Variants in NELL1 observed in about 807,000 individuals in gnomAD.
NELL1 encodes the protein protein kinase C-binding protein NELL1.
NELL1 carries 76 observed loss-of-function variants against 107.4 expected under a neutral mutation model. That is an observed-to-expected ratio of 0.71 (90% CI 0.59 to 0.86). The LOEUF is 0.86. Ranked by LOEUF, NELL1 falls within the 40% of genes least tolerant of loss-of-function variation. NELL1 has a pLI of 0.00. For synonymous variants in NELL1, 353 were observed against 341.2 expected, an observed-to-expected ratio of 1.03 and a Z score of -0.38; for missense variants, 1,024 against 1,005.5, an observed-to-expected ratio of 1.02 and a Z score of -0.25.
intron 13 of NELL1, among the ~76,000 whole-genome samples, chr11:21,124,087 G>A (rs1855432901): frequency 6.6e-6 from 1 of 152,096 alleles, no homozygotes; most frequent in South Asian, 2.1e-4. Context: ...ATCTCTGAGT[G>A]AATGGTTAAA....
intron 2 of NELL1, among the ~76,000 whole-genome samples, chr11:20,735,157 G>C (rs1308697888): frequency 2.0e-5 from 3 of 152,176 alleles, no homozygotes; most frequent in African/African-American, 7.2e-5. Context: ...TGGATGCTAA[G>C]AGTTTAAGGT....
intron 9 of NELL1, among the ~76,000 whole-genome samples, chr11:20,930,539 T>C (rs1262925713): frequency 6.6e-6 from 1 of 152,216 alleles, no homozygotes; most frequent in African/African-American, 2.4e-5. Context: ...TTAAATAACA[T>C]GTTTTGTATA....
At chr11:21,194,739 A>G (rs1236259907) in intron 13 of NELL1, among the ~76,000 whole-genome samples, 1 of 152,220 alleles carries the variant, frequency 6.6e-6, no homozygotes, top group Non-Finnish European at 1.5e-5. Context: ...ATGCTCATGC[A>G]TATGAAAGTT....
At chr11:21,060,935 C>T (rs1853725637) in intron 12 of NELL1, among the ~76,000 whole-genome samples, 2 of 152,176 alleles carry the variant, frequency 1.3e-5, no homozygotes, top group African/African-American at 2.4e-5. Context: ...TGGGGTTTCA[C>T]CCTATTGGTC....
intron 2 of NELL1, among the ~76,000 whole-genome samples, chr11:20,738,351 C>G (rs976579422): frequency 6.6e-6 from 1 of 152,088 alleles, no homozygotes; most frequent in Non-Finnish European, 1.5e-5. Context: ...ATGAATGGAA[C>G]AGGCATTGAG....
intron 15 of NELL1, among the ~76,000 whole-genome samples, chr11:21,379,603 T>C (rs1851562642): frequency 6.6e-6 from 1 of 152,104 alleles, no homozygotes; most frequent in Non-Finnish European, 1.5e-5. Context: ...ATGTTTGTAA[T>C]AACAAATGAT....
intron 15 of NELL1, among the ~76,000 whole-genome samples, chr11:21,501,681 G>T (rs1855146241): frequency 6.6e-6 from 1 of 152,114 alleles, no homozygotes; most frequent in African/African-American, 2.4e-5. Flanking sequence ...AAAACGCTTT[G>T]CAGCTTATTA....
At chr11:21,093,548 A>G (rs1369740209) in intron 12 of NELL1, among the ~76,000 whole-genome samples, 1 of 152,124 alleles carries the variant, frequency 6.6e-6, no homozygotes, top group Non-Finnish European at 1.5e-5. Flanking sequence ...CTGTTACTGT[A>G]TTAGTTTGCT....
At chr11:20,877,070 A>T (rs1230410113) in intron 4 of NELL1, among the ~76,000 whole-genome samples, 1 of 152,196 alleles carries the variant, frequency 6.6e-6, no homozygotes, top group African/African-American at 2.4e-5. Context: ...CTTCATGTGC[A>T]AGGTCACCCA....
intron 13 of NELL1, among the ~76,000 whole-genome samples, chr11:21,154,864 C>G (rs577822306): frequency 6.6e-6 from 1 of 152,030 alleles, no homozygotes; most frequent in African/African-American, 2.4e-5. Context: ...GAAAGAAGGA[C>G]GTGATGAGCA....
chr11:21,448,757 T>C (rs554473856), intron 15 of NELL1, among the ~76,000 whole-genome samples: 1 of 152,354 alleles, frequency 6.6e-6, no homozygotes, highest in East Asian at 1.9e-4. Flanking sequence ...TGACAAACAC[T>C]GATTTCCTTT....
At chr11:21,300,250 G>C (rs1395603210) in intron 14 of NELL1, among the ~76,000 whole-genome samples, 1 of 151,962 alleles carries the variant, frequency 6.6e-6, no homozygotes, top group East Asian at 1.9e-4. Context: ...AACAGCAAAG[G>C]CAAAGCTGTG....
At chr11:21,374,881 G>T in intron 15 of NELL1, among the ~76,000 whole-genome samples, 1 of 90,260 alleles carries the variant, frequency 1.1e-5, no homozygotes, top group South Asian at 4.9e-4. Flanking sequence ...AACTGACTGT[G>T]TGTGTCTGTG....
intron 14 of NELL1, among the ~76,000 whole-genome samples, chr11:21,289,060 AG>A (rs1260631293): frequency 6.6e-6 from 1 of 152,206 alleles, no homozygotes; most frequent in East Asian, 1.9e-4. Context: ...AGGCAATAAT[AG>A]GGTAGACCAG....
chr11:20,670,485 AG>A (rs10708463), intron 1 of NELL1: 145,246 of 152,310 alleles, frequency 0.95, 69,639 homozygotes, highest in East Asian at 1. Flanking sequence ...CCGTGTGGGG[AG>A]GGGGGAGCAA....
chr11:20,865,501 G>C (rs1414356594), intron 4 of NELL1, among the ~76,000 whole-genome samples: 1 of 152,152 alleles, frequency 6.6e-6, no homozygotes, highest in East Asian at 1.9e-4. Context: ...TCACTCTACT[G>C]TGTCTGAGCA....
intron 13 of NELL1, among the ~76,000 whole-genome samples, chr11:21,165,571 G>T (rs1297311797): frequency 6.7e-6 from 1 of 149,194 alleles, no homozygotes; most frequent in Non-Finnish European, 1.5e-5. Flanking sequence ...CCACCCCTAG[G>T]TGTATACCTG....
At chr11:20,877,418 T>C (rs745496591) in intron 4 of NELL1, among the ~76,000 whole-genome samples, 3 of 152,236 alleles carry the variant, frequency 2.0e-5, no homozygotes, top group Non-Finnish European at 4.4e-5. Context: ...GTGGAGTCTC[T>C]TCAAAAACCT....
Position 21,219,748 on chromosome 11 carries a change from T to C in NELL1, c.1427-9584T>C, listed in dbSNP as rs75999349. Among the ~76,000 whole-genome samples the C allele has an allele frequency of 4.4e-3, 674 of 152,328 alleles. 3 individuals are homozygous for C. The highest frequency in any genetic ancestry group is 0.027 in the Middle Eastern group (8 of 294). The stretch of plus-strand genomic sequence containing the variant: ...AAGGAAGAGGTTGTCCTTTCTCCAA[T>C]GTAAGTTGCTGGCACTTTTGTCAAA... On this transcript the variant is annotated intron_variant, in intron 13 of 19. Transcript: ENST00000357134.
Sources: gnomAD v4.1 joint callset for allele counts (sites outside exome capture counted in the v4.1 genomes callset) on GRCh38, gnomAD v4.1.1 for gene constraint, MANE v1.5 for transcripts, NCBI Gene and HGNC (gene_info 2026-07-23, HGNC 2026-07-21) for gene names.